The following KCNH7 variants were observed in gnomAD, a reference collection of about 807,000 sequenced individuals.
KCNH7 encodes the protein voltage-gated inwardly rectifying potassium channel KCNH7.
A neutral mutation model predicts 120.8 loss-of-function variants in KCNH7; 49 were observed. The observed-to-expected ratio is 0.41, with a 90% CI of 0.32 to 0.51. The LOEUF (loss-of-function observed/expected upper bound fraction) is 0.51. Ranked by LOEUF, KCNH7 falls within the 20% of genes least tolerant of loss-of-function variation. The probability of loss-of-function intolerance (pLI) is 0.38; values close to 1 mark genes in which losing one functional copy is unlikely to be tolerated. For missense variants in KCNH7, 1,097 were observed against 1,446.6 expected (o/e 0.76, Z 3.92); for synonymous variants, 547 against 516.1 (o/e 1.06, Z -0.81).
At position 162,813,257 on chromosome 2, in the gene KCNH7, C is replaced by T. The variant is rs1395874941; in HGVS notation, c.307+23280G>A. On this transcript the variant is annotated intron_variant, in intron 2 of 15. Coordinates refer to ENST00000332142, the MANE Select transcript of KCNH7 (RefSeq NM_033272.4). ...CCAGGAATGGTCAACCCACTTTAAC[C>T]TTCAGTTCAAAGAAAGGTGAGACAA... is the stretch of plus-strand genomic sequence containing the variant. 2.0e-5 allele frequency among the ~76,000 whole-genome samples: 3 copies of T among 152,198 alleles called. No homozygotes were observed. In the East Asian group the frequency reaches 5.8e-4, roughly 29 times the overall value.
chr2:162,629,800 T>C (rs1683700771), intron 2 of KCNH7, among the ~76,000 whole-genome samples: 1 of 152,094 alleles, frequency 6.6e-6, no homozygotes, highest in African/African-American at 2.4e-5. Context: ...GTGAGCTGAT[T>C]ATCAAATGTT....
chr2:162,602,485 C>G (rs886581548), intron 2 of KCNH7, among the ~76,000 whole-genome samples: 1 of 152,066 alleles, frequency 6.6e-6, no homozygotes, highest in Non-Finnish European at 1.5e-5. Flanking sequence ...CTCTTTTTCT[C>G]ACTCACTGAA....
intron 2 of KCNH7, among the ~76,000 whole-genome samples, chr2:162,758,137 A>C (rs748367113): frequency 6.6e-6 from 1 of 152,168 alleles, no homozygotes; most frequent in Non-Finnish European, 1.5e-5. Context: ...CTGAGTAAAT[A>C]TATGTTGAAG....
intron 7 of KCNH7, among the ~76,000 whole-genome samples, chr2:162,438,476 A>C (rs1688324233): frequency 2.0e-5 from 3 of 152,180 alleles, no homozygotes; most frequent in Non-Finnish European, 4.4e-5. Flanking sequence ...GGACATGTTG[A>C]AGTCTCAACA....
intron 2 of KCNH7, among the ~76,000 whole-genome samples, chr2:162,813,989 T>C (rs920957521): frequency 6.6e-6 from 1 of 152,184 alleles, no homozygotes; most frequent in African/African-American, 2.4e-5. Context: ...TTAAACACAT[T>C]CTGACTTTTA....
chr2:162,464,239 C>G (rs928561657), intron 6 of KCNH7, among the ~76,000 whole-genome samples: 1 of 151,966 alleles, frequency 6.6e-6, no homozygotes, highest in Non-Finnish European at 1.5e-5. Flanking sequence ...CATCATTTCA[C>G]AGGGTAACTT....
intron 8 of KCNH7, among the ~76,000 whole-genome samples, chr2:162,434,723 AC>A (rs1688181835): frequency 6.6e-6 from 1 of 151,778 alleles, no homozygotes; most frequent in Admixed American, 6.6e-5. Context: ...ATATATATAT[AC>A]ACATACATAC....
intron 2 of KCNH7, among the ~76,000 whole-genome samples, chr2:162,619,043 T>G (rs961220963): frequency 6.6e-6 from 1 of 152,142 alleles, no homozygotes; most frequent in Non-Finnish European, 1.5e-5. Context: ...TGAAGAAAAT[T>G]ATTATCTTGG....
At chr2:162,729,241 C>A (rs1280705734) in intron 2 of KCNH7, among the ~76,000 whole-genome samples, 1 of 149,294 alleles carries the variant, frequency 6.7e-6, no homozygotes, top group Non-Finnish European at 1.5e-5. Flanking sequence ...TCTCAGCTCA[C>A]TGCAAGCTCC....
intron 2 of KCNH7, among the ~76,000 whole-genome samples, chr2:162,723,700 T>C (rs1210292145): frequency 6.6e-6 from 1 of 152,008 alleles, no homozygotes; most frequent in Non-Finnish European, 1.5e-5. Context: ...ATGAGGGAAA[T>C]TCAAATATAT....
intron 5 of KCNH7, among the ~76,000 whole-genome samples, chr2:162,510,808 G>A (rs539370657): frequency 6.6e-6 from 1 of 151,706 alleles, no homozygotes; most frequent in East Asian, 2.0e-4. Flanking sequence ...CAATGTTAAT[G>A]GCTTTGTGAA....
chr2:162,435,417 G>A lies in KCNH7; in HGVS notation c.1735C>T (p.Pro579Ser). 1 of 1,613,766 alleles carries A rather than the reference G, an allele frequency of 6.2e-7. No individual in the cohort carries two copies. The highest frequency in any genetic ancestry group is 2.2e-5 in the East Asian group (1 of 44,860). The change falls in exon 8 of 16, where the codon CCT (proline) becomes TCT (serine). Residue 579 changes from proline (P) to serine (S), a missense_variant. Around this residue, in one of 8 missense-constraint regions of KCNH7, gnomAD observed 36 missense variants for 46.8 expected, o/e 0.77. Transcript: ENST00000332142. ...CATCCGATTTTGTCAGTCAGGTAAGGCCTTTCTACATTCCCAATCGCATAC... is the reference window on the plus strand; with the variant it reads ...CATCCGATTTTGTCAGTCAGGTAAGACCTTTCTACATTCCCAATCGCATAC... ...IWYAIGNVER[P>S]YLTDKIGWLD...
In KCNH7 at chr2:162,514,840, T is replaced by A. The variant is rs1691225232; in HGVS notation, c.893-2166A>T. Among the ~76,000 whole-genome samples, 6 of 151,866 alleles carry A rather than the reference T, an allele frequency of 4.0e-5. No homozygotes were observed. The South Asian group carries it at 1.2e-3, about 31-fold the overall frequency. ...AATGAGAGGATAAGGTAAAATATTA[T>A]TCATTAATATATCTGCAAAATATTT... On this transcript the variant is annotated intron_variant, in intron 4 of 15. Coordinates refer to ENST00000332142, the MANE Select transcript of KCNH7 (RefSeq NM_033272.4).
chr2:162,583,222 G>A (rs551063808), intron 2 of KCNH7, among the ~76,000 whole-genome samples: 1 of 152,150 alleles, frequency 6.6e-6, no homozygotes, highest in South Asian at 2.1e-4. Context: ...AGGTAGGTGA[G>A]CAGATGGTTA....
chr2:162,537,091 T>C lies in KCNH7; in HGVS notation c.308-11A>G. On this transcript the variant is annotated splice_polypyrimidine_tract_variant and intron_variant, in intron 2 of 15. Coordinates refer to ENST00000332142, the MANE Select transcript of KCNH7 (RefSeq NM_033272.4). ...AAATAAAAGTGGACCCTAAGGAGAT[T>C]AAAAATGAATGTTAGTTAAAAATAT... is the stretch of plus-strand genomic sequence containing the variant. 12 of 1,584,036 alleles carry C rather than the reference T, an allele frequency of 7.6e-6. No homozygotes were observed. Among genetic ancestry groups the C allele is most frequent in the Non-Finnish European group, 1.0e-5 (12 of 1,159,468 alleles).
At chr2:162,512,517 G>T (rs1208648176) in intron 5 of KCNH7, 137 bp downstream of exon 5, 3 of 626,398 alleles carry the variant, frequency 4.8e-6, no homozygotes, top group Non-Finnish European at 8.4e-6. Flanking sequence ...AAGCCATGAT[G>T]TCTCCACCAG....
chr2:162,411,335 C>T (rs754192748), intron 9 of KCNH7, among the ~76,000 whole-genome samples: 18 of 151,988 alleles, frequency 1.2e-4, no homozygotes, highest in Non-Finnish European at 1.2e-4. Context: ...GAAGCCATTA[C>T]TCTAAACAAA....
intron 2 of KCNH7, among the ~76,000 whole-genome samples, chr2:162,611,361 C>T (rs1157562960): frequency 6.6e-6 from 1 of 152,150 alleles, no homozygotes; most frequent in Non-Finnish European, 1.5e-5. Context: ...ACATAAGTAG[C>T]CACATAGCAC....
chr2:162,575,240 C>T (rs1693630828), intron 2 of KCNH7, among the ~76,000 whole-genome samples: 2 of 152,004 alleles, frequency 1.3e-5, no homozygotes, highest in Admixed American at 6.6e-5. Flanking sequence ...GCTAGTTTGA[C>T]CCTGACCTTG....
Sources: allele counts gnomAD v4.1 joint callset (sites outside exome capture counted in the v4.1 genomes callset), GRCh38; gene constraint gnomAD v4.1.1; regional missense constraint gnomAD v4.1.1; transcripts MANE v1.5; gene names NCBI Gene and HGNC (gene_info 2026-07-23, HGNC 2026-07-21).